Variants in PDZD2 observed in about 807,000 individuals in gnomAD.
The protein encoded by PDZD2 is PDZ domain-containing protein 2.
PDZD2 carries 90 observed loss-of-function variants against 220.7 expected under a neutral mutation model. The observed-to-expected ratio is 0.41, with a 90% CI of 0.34 to 0.49. PDZD2 has a LOEUF of 0.49. PDZD2 is among the 20% of genes least tolerant of loss of function. PDZD2 has a pLI of 0.28. For missense variants in PDZD2, 3,174 were observed against 3,608.5 expected (o/e 0.88, Z 3.08); for synonymous variants, 1,375 against 1,450.5 (o/e 0.95, Z 1.18).
chr5:31,690,901 G>A (rs1747091983), intron 1 of PDZD2, among the ~76,000 whole-genome samples: 1 of 152,218 alleles, frequency 6.6e-6, no homozygotes, highest in Non-Finnish European at 1.5e-5. Flanking sequence ...TGATGATGAT[G>A]ATGACCATGA....
chr5:31,773,968 G>A (rs551657957), intron 1 of PDZD2, among the ~76,000 whole-genome samples: 4 of 152,270 alleles, frequency 2.6e-5, no homozygotes, highest in South Asian at 2.1e-4. Flanking sequence ...AACCGATGTC[G>A]ACACCTAGAG....
intron 2 of PDZD2, among the ~76,000 whole-genome samples, chr5:31,850,134 G>GTA (rs1319840879): frequency 1.3e-5 from 1 of 74,670 alleles, no homozygotes; most frequent in East Asian, 2.2e-4. Context: ...ATATGTGTGT[G>GTA]TATATATATA....
At chr5:32,057,095 G>A (rs1256911232) in intron 10 of PDZD2, among the ~76,000 whole-genome samples, 1 of 151,844 alleles carries the variant, frequency 6.6e-6, no homozygotes, top group African/African-American at 2.4e-5. Flanking sequence ...GCAATACTCT[G>A]TTTCAAAAAA....
At chr5:31,826,205 G>A (rs916188215) in intron 2 of PDZD2, among the ~76,000 whole-genome samples, 2 of 152,038 alleles carry the variant, frequency 1.3e-5, no homozygotes, top group Non-Finnish European at 2.9e-5. Context: ...TTTCATGCCC[G>A]GCTGTGGGCT....
intron 2 of PDZD2, among the ~76,000 whole-genome samples, chr5:31,871,951 A>G (rs970528830): frequency 6.6e-6 from 1 of 151,926 alleles, no homozygotes; most frequent in Admixed American, 6.6e-5. Context: ...TCGGTCTCCT[A>G]AAGTGTTGGG....
rs775305445 is a variant in PDZD2 at position 32,000,303 on chromosome 5, TGGTGGCAGTGGTGAGTTGG to T, written c.1254+36_1254+54del. The stretch of plus-strand genomic sequence containing the variant: ...CGTGTTTGTTTTTTGGTACTCGTAA[TGGTGGCAGTGGTGAGTTGG>T]GGTTGAGCCCCACCTCCCATGCCAC... On this transcript the variant is annotated intron_variant, in intron 5 of 24. Coordinates refer to ENST00000438447, the MANE Select transcript of PDZD2 (RefSeq NM_178140.4). The surrounding 1 kb of genome is among the most constrained non-coding windows in gnomAD (Gnocchi z 4.5). The T allele has an allele frequency of 1.9e-6, 3 of 1,611,624 alleles. No homozygotes were observed. The African/African-American group carries it at 4.0e-5, about 22-fold the overall frequency.
chr5:31,969,509 CAAAAAAAAAAAAAA>C (rs56755290), intron 2 of PDZD2, among the ~76,000 whole-genome samples: 3 of 51,418 alleles, frequency 5.8e-5, no homozygotes, highest in African/African-American at 9.2e-5. Context: ...GCCCCCTCTC[CAAAAAAAAAAAAAA>C]AAAAAAAAAA....
chr5:31,970,498 A>C (rs1749200769), intron 2 of PDZD2, among the ~76,000 whole-genome samples: 2 of 152,046 alleles, frequency 1.3e-5, no homozygotes, highest in South Asian at 4.2e-4. Context: ...TCTACTAAAA[A>C]TACAAAAATT....
intron 1 of PDZD2, among the ~76,000 whole-genome samples, chr5:31,707,115 G>A (rs1580595047): frequency 7.8e-6 from 1 of 128,494 alleles, no homozygotes; most frequent in South Asian, 2.6e-4. Context: ...AGAACACTTG[G>A]ACACAGGAAG....
At chr5:31,789,780 TGGTGGC>T (rs1310940877) in intron 1 of PDZD2, among the ~76,000 whole-genome samples, 3 of 151,996 alleles carry the variant, frequency 2.0e-5, no homozygotes, top group Non-Finnish European at 4.4e-5. Context: ...TAGCCGGGTG[TGGTGGC>T]GGGCGCCTGT....
At chr5:31,930,160 C>A (rs951970772) in intron 2 of PDZD2, among the ~76,000 whole-genome samples, 1 of 150,982 alleles carries the variant, frequency 6.6e-6, no homozygotes, top group African/African-American at 2.4e-5. Context: ...GCCAGTTAAA[C>A]CTCTTTTCTT....
chr5:31,725,761 C>A, intron 1 of PDZD2: 2 of 961,914 alleles, frequency 2.1e-6, no homozygotes, highest in South Asian at 1.3e-5. Flanking sequence ...CTTTCTTGGG[C>A]TGGGACTTGG....
intron 1 of PDZD2, among the ~76,000 whole-genome samples, chr5:31,683,956 CAT>C (rs977805954): frequency 1.1e-4 from 17 of 151,384 alleles, no homozygotes; most frequent in African/African-American, 3.6e-4. Flanking sequence ...CCATTTGCCA[CAT>C]AGACTCACCA....
Position 31,850,064 on chromosome 5 carries a change from GTA to G in PDZD2, c.476+50348_476+50349del, listed in dbSNP as rs1183911383. ...TATATATATATACGTGTATATATAAGTATATATATGTGTATATATAAGTATAT... is the reference window on the plus strand; with the variant it reads ...TATATATATATACGTGTATATATAAGTATATATGTGTATATATAAGTATAT... On this transcript the variant is annotated intron_variant, in intron 2 of 24. Coordinates refer to ENST00000438447, the MANE Select transcript of PDZD2 (RefSeq NM_178140.4). Among the ~76,000 whole-genome samples, 16 of 128,816 alleles carry G rather than the reference GTA, an allele frequency of 1.2e-4. No individual in the cohort carries two copies. The East Asian group carries it at 2.2e-3, about 18-fold the overall frequency. 84.5% of individuals were successfully genotyped at this position (128,816 alleles called of 152,430 possible).
intron 2 of PDZD2, among the ~76,000 whole-genome samples, chr5:31,962,681 C>CA (rs1178555338): frequency 5.9e-5 from 9 of 152,310 alleles, no homozygotes; most frequent in African/African-American, 2.2e-4. Context: ...GTGTGGTTTG[C>CA]ACCCCAGCCT....
chr5:31,903,319 A>G (rs1415808752), intron 2 of PDZD2, among the ~76,000 whole-genome samples: 2 of 151,894 alleles, frequency 1.3e-5, no homozygotes, highest in African/African-American at 4.8e-5. Flanking sequence ...TAAAATTAAA[A>G]TAAAAAAATA....
intron 14 of PDZD2, among the ~76,000 whole-genome samples, chr5:32,062,481 C>T (rs1739780355): frequency 6.6e-6 from 1 of 151,358 alleles, no homozygotes; most frequent in African/African-American, 2.4e-5. Flanking sequence ...GCAACCTCGA[C>T]TTCCCGGGTT....
chr5:32,026,701 C>T (rs1194214094), intron 6 of PDZD2, among the ~76,000 whole-genome samples: 1 of 152,152 alleles, frequency 6.6e-6, no homozygotes, highest in African/African-American at 2.4e-5. Context: ...GTAGCCAGCC[C>T]CCAAATCCAA....
chr5:32,013,896 T>C (rs1223022885), intron 6 of PDZD2, among the ~76,000 whole-genome samples: 6 of 152,142 alleles, frequency 3.9e-5, no homozygotes, highest in African/African-American at 1.4e-4. Flanking sequence ...AGCCCTCTCT[T>C]GAGTTCTCGT....
Sources: allele counts gnomAD v4.1 joint callset (sites outside exome capture counted in the v4.1 genomes callset), GRCh38; gene constraint gnomAD v4.1.1; non-coding constraint Gnocchi (gnomAD v3.1); transcripts MANE v1.5; gene names NCBI Gene and HGNC (gene_info 2026-07-23, HGNC 2026-07-21).